The following MDFI variants were observed in gnomAD, a reference collection of about 807,000 sequenced individuals.
MDFI encodes the protein inhibitor of MyoD family a.
MDFI carries 16 observed loss-of-function variants against 22.3 expected under a neutral mutation model. The ratio of observed to expected loss-of-function variants is 0.72; its 90% CI spans 0.49 to 1.09. The LOEUF (loss-of-function observed/expected upper bound fraction) is 1.09. Ranked by LOEUF, MDFI falls within the 50% of genes least tolerant of loss-of-function variation. MDFI has a pLI of 0.00. For missense variants in MDFI, 314 were observed against 326.1 expected, an observed-to-expected ratio of 0.96 and a Z score of 0.29; for synonymous variants, 145 against 142.7, an observed-to-expected ratio of 1.02 and a Z score of -0.12.
intron 3 of MDFI, among the ~76,000 whole-genome samples, chr6:41,648,434 G>GTT (rs1302077970): frequency 6.6e-6 from 1 of 152,208 alleles, no homozygotes; most frequent in Non-Finnish European, 1.5e-5. Context: ...AGTGTGCAAT[G>GTT]TTGTGACTGC....
At chr6:41,648,812 C>T (rs994189717) in intron 3 of MDFI, among the ~76,000 whole-genome samples, 2 of 152,174 alleles carry the variant, frequency 1.3e-5, no homozygotes, top group Admixed American at 6.5e-5. Flanking sequence ...CATCCCTGAG[C>T]GAGGAGCAGG....
chr6:41,645,553 C>T (rs1768017862), intron 2 of MDFI, among the ~76,000 whole-genome samples: 1 of 152,140 alleles, frequency 6.6e-6, no homozygotes, highest in South Asian at 2.1e-4. Context: ...CTCTGTATCA[C>T]ACAGTGCTAC....
intron 2 of MDFI, among the ~76,000 whole-genome samples, chr6:41,641,813 G>A (rs550814651): frequency 6.6e-6 from 1 of 152,254 alleles, no homozygotes; most frequent in African/African-American, 2.4e-5. Context: ...GCACTGTGCA[G>A]GCTTGAAACC....
Position 41,649,610 on chromosome 6 carries a change from T to C in MDFI, c.260-9T>C, listed in dbSNP as rs1279882434. 6.4e-7 allele frequency: 1 copy of C among 1,563,920 alleles called. No homozygotes were observed. Among genetic ancestry groups the C allele is most frequent in the South Asian group, 1.2e-5 (1 of 84,548 alleles). ...CTTTTCCCATCACACTTTCTCTTCA[T>C]CTCTCCAGGCCAGCCTCAGGGGAAC... On this transcript the variant is annotated splice_polypyrimidine_tract_variant and intron_variant, in intron 3 of 4. Transcript: ENST00000230321.
rs543889125 is a variant in MDFI, at chr6:41,639,885, GTT to G, written c.76+1061_76+1062del. On this transcript the variant is annotated intron_variant, in intron 2 of 4. Transcript: ENST00000230321. ...GCCCTCGAAGCCGGCCTGCCTGCCT[GTT>G]CTAGGAGGCCCCTCTCCACTCCCCA... The G allele has an allele frequency of 4.4e-4, 430 of 985,438 alleles. 7 individuals are homozygous for G. Among genetic ancestry groups the G allele is most frequent in the Non-Finnish European group, 1.9e-5 (16 of 829,930 alleles). 61.0% of individuals were successfully genotyped at this position (985,438 alleles called of 1,614,324 possible).
chr6:41,649,515 C>T (rs1768177369), intron 3 of MDFI, 104 bp from the exon 4 acceptor site: 3 of 1,083,924 alleles, frequency 2.8e-6, no homozygotes, highest in Non-Finnish European at 4.0e-6. Context: ...TGGCTGGGTG[C>T]TTTGGGGTAT....
rs570670496 is a variant in MDFI, at chr6:41,641,453, A to G, written c.76+2628A>G. Among the ~76,000 whole-genome samples the G allele has an allele frequency of 4.1e-4, 63 of 152,340 alleles. 2 individuals carry two copies. Among genetic ancestry groups the G allele is most frequent in the Middle Eastern group, 6.8e-3 (2 of 294 alleles). On this transcript the variant is annotated intron_variant, in intron 2 of 4. Transcript: ENST00000230321. Reference sequence around the variant, plus strand: ...GGATCTTCTGGTCAACAGGAATAATATAAGCATGGGTGGACTGGTCAGAAG... The same window carrying G: ...GGATCTTCTGGTCAACAGGAATAATGTAAGCATGGGTGGACTGGTCAGAAG...
At chr6:41,652,155 C>G (rs1046349425) in intron 4 of MDFI, among the ~76,000 whole-genome samples, 1 of 152,086 alleles carries the variant, frequency 6.6e-6, no homozygotes, top group African/African-American at 2.4e-5. Context: ...TGGTGGAAGG[C>G]CTCGGTGAGA....
chr6:41,639,519 G>A (rs954995127), intron 2 of MDFI: 3 of 985,424 alleles, frequency 3.0e-6, no homozygotes, highest in Admixed American at 6.1e-5. Flanking sequence ...CTCCCTGAAG[G>A]GGTTTGGAGT....
At chr6:41,648,628 G>A (rs748443843) in intron 3 of MDFI, among the ~76,000 whole-genome samples, 1 of 152,146 alleles carries the variant, frequency 6.6e-6, no homozygotes, top group African/African-American at 2.4e-5. Flanking sequence ...CACATTTACA[G>A]AGGGTCCTTG....
intron 2 of MDFI, chr6:41,639,558 C>T (rs1327245888): frequency 1.0e-6 from 1 of 985,304 alleles, no homozygotes; most frequent in South Asian, 4.7e-5. Context: ...GGTTCTCAGT[C>T]CCTTCCCCTC....
upstream of MDFI, among the ~76,000 whole-genome samples, chr6:41,637,554 G>A (rs2127423420): frequency 6.6e-6 from 1 of 152,158 alleles, no homozygotes; most frequent in East Asian, 2.0e-4. The surrounding 1 kb of genome is among the most constrained non-coding windows in gnomAD (Gnocchi z 6.8). Context: ...CCCACCTGGA[G>A]AGCCGCAGGC....
upstream of MDFI, among the ~76,000 whole-genome samples, chr6:41,637,501 G>A (rs944460625): frequency 2.0e-5 from 3 of 151,956 alleles, no homozygotes; most frequent in African/African-American, 4.8e-5. This position sits in a 1 kb window ranked among gnomAD's most constrained non-coding sequence, Gnocchi z 6.8. Context: ...TGTCACCCCA[G>A]GGGGCTGCCC....
chr6:41,637,660 A>G (rs984430106), upstream of MDFI, among the ~76,000 whole-genome samples: 1 of 151,038 alleles, frequency 6.6e-6, no homozygotes, highest in African/African-American at 2.4e-5. The surrounding 1 kb of genome is among the most constrained non-coding windows in gnomAD (Gnocchi z 6.8). Context: ...TCTTCCTACC[A>G]CCACGGCTCA....
chr6:41,653,271 C>A lies in MDFI; in HGVS notation c.485-48C>A. 1.9e-6 allele frequency: 3 copies of A among 1,584,674 alleles called. No homozygotes were observed. In the South Asian group the frequency reaches 3.4e-5, roughly 18 times the overall value. On this transcript the variant is annotated intron_variant, in intron 4 of 4. Coordinates refer to ENST00000230321, the MANE Select transcript of MDFI (RefSeq NM_005586.4). The surrounding 1 kb of genome is among the most constrained non-coding windows in gnomAD (Gnocchi z 4.2). The stretch of plus-strand genomic sequence containing the variant: ...CACCCCCGGCTATTTCACACACGCT[C>A]ATCCCTCCCCTCTCTCACCCGTCCC...
At chr6:41,639,089 C>A (rs1230039808) in intron 2 of MDFI, among the ~76,000 whole-genome samples, 1 of 141,974 alleles carries the variant, frequency 7.0e-6, no homozygotes, top group African/African-American at 3.0e-5. Flanking sequence ...CACACACACA[C>A]ACACACACAA....
chr6:41,653,278 C>T lies in MDFI; in HGVS notation c.485-41C>T. On this transcript the variant is annotated intron_variant, in intron 4 of 4. Coordinates refer to ENST00000230321, the MANE Select transcript of MDFI (RefSeq NM_005586.4). The surrounding 1 kb of genome is among the most constrained non-coding windows in gnomAD (Gnocchi z 4.2). Reference sequence around the variant, plus strand: ...GGCTATTTCACACACGCTCATCCCTCCCCTCTCTCACCCGTCCCCCTCTCC... The same window carrying T: ...GGCTATTTCACACACGCTCATCCCTTCCCTCTCTCACCCGTCCCCCTCTCC... The T allele has an allele frequency of 6.3e-7, 1 of 1,594,978 alleles. No homozygotes were observed. Among genetic ancestry groups the T allele is most frequent in the Non-Finnish European group, 8.6e-7 (1 of 1,168,514 alleles).
At position 41,653,471 on chromosome 6, in the gene MDFI, G is replaced by C. The variant is rs140045050; in HGVS notation, c.637G>C (p.Asp213His). The C allele has an allele frequency of 6.2e-7, 1 of 1,603,774 alleles. No individual in the cohort carries two copies. The highest frequency in any genetic ancestry group is 1.3e-5 in the African/African-American group (1 of 74,892). ...CCGSGECADCDLPCDLDCGIL... is the reference protein window; with the variant it reads ...CCGSGECADCHLPCDLDCGIL... Reference sequence around the variant, plus strand: ...TGGCTCTGGCGAGTGTGCCGACTGCGACCTGCCCTGCGACCTGGACTGCGG... The same window carrying C: ...TGGCTCTGGCGAGTGTGCCGACTGCCACCTGCCCTGCGACCTGGACTGCGG... Residue 213 changes from aspartate to histidine, a missense_variant, in exon 5 of 5, where the codon GAC (aspartate) becomes CAC (histidine). Transcript: ENST00000230321. This position sits in a 1 kb window ranked among gnomAD's most constrained non-coding sequence, Gnocchi z 4.2.
Position 41,653,890 on chromosome 6 carries a change from G to A in MDFI, c.*315G>A, listed in dbSNP as rs1048826097. ...AGGGCTGGGGTGGGGACCGCAGGGG[G>A]CAGCCAGGGCTGGGGAACACTGTGA... is the stretch of plus-strand genomic sequence containing the variant. On this transcript the variant is annotated 3_prime_UTR_variant, in exon 5 of 5. Coordinates refer to ENST00000230321, the MANE Select transcript of MDFI (RefSeq NM_005586.4). This position sits in a 1 kb window ranked among gnomAD's most constrained non-coding sequence, Gnocchi z 4.2. 7 of 432,458 alleles carry A rather than the reference G, an allele frequency of 1.6e-5. No individual in the cohort carries two copies. Among genetic ancestry groups the A allele is most frequent in the African/African-American group, 1.4e-4 (7 of 50,444 alleles). 26.8% of individuals were successfully genotyped at this position (432,458 alleles called of 1,614,324 possible).
Sources: gnomAD v4.1 joint callset for allele counts (sites outside exome capture counted in the v4.1 genomes callset) on GRCh38, gnomAD v4.1.1 for gene constraint, Gnocchi (gnomAD v3.1) non-coding constraint, MANE v1.5 for transcripts, NCBI Gene and HGNC (gene_info 2026-07-23, HGNC 2026-07-21) for gene names.